The following CYB5R4 variants were observed in gnomAD, a reference collection of about 807,000 sequenced individuals.
CYB5R4 encodes N-terminal cytochrome b5 and cytochrome b5 oxidoreductase domain-containing protein.
CYB5R4 carries 55 observed loss-of-function variants against 70.2 expected under a neutral mutation model. The ratio of observed to expected loss-of-function variants is 0.78; its 90% CI spans 0.63 to 0.98. CYB5R4 has a LOEUF of 0.98. Among genes scored for constraint, CYB5R4 ranks in the 50% least tolerant of loss-of-function variants. The pLI is 0.00. For missense variants in CYB5R4, 562 were observed against 612.6 expected (o/e 0.92, Z 0.87); for synonymous variants, 197 against 199.5 (o/e 0.99, Z 0.11).
intron 11 of CYB5R4, 55 bp downstream of exon 11, chr6:83,934,790 A>T (rs1030324270): frequency 1.5e-4 from 217 of 1,468,028 alleles, no homozygotes; most frequent in Non-Finnish European, 2.0e-4. Flanking sequence ...GCAGTTCAAA[A>T]TCAGTACTAT....
chr6:83,959,708 C>A, intron 15 of CYB5R4, 116 bp from the exon 16 acceptor site: 1 of 855,842 alleles, frequency 1.2e-6, no homozygotes. Flanking sequence ...TTAAAAAAAA[C>A]TACATAGTGA....
chr6:83,959,813 T>A lies in CYB5R4; in HGVS notation c.1512-11T>A. On this transcript the variant is annotated splice_polypyrimidine_tract_variant and intron_variant, in intron 15 of 15. Coordinates refer to ENST00000369681, the MANE Select transcript of CYB5R4 (RefSeq NM_016230.4). ...TCCCTAAGAAACATGTGCTTTTTAT[T>A]TGTTTTTCAGGTTGCTGCATGATCT... 1 of 1,594,934 alleles carries A rather than the reference T, an allele frequency of 6.3e-7. No homozygotes were observed. The highest frequency in any genetic ancestry group is 8.5e-7 in the Non-Finnish European group (1 of 1,170,192).
At chr6:83,884,082 G>T (rs1391232423) in intron 2 of CYB5R4, among the ~76,000 whole-genome samples, 1 of 151,412 alleles carries the variant, frequency 6.6e-6, no homozygotes, top group African/African-American at 2.4e-5. Context: ...AGGGAGATTA[G>T]TAAAATCTCC....
intron 2 of CYB5R4, among the ~76,000 whole-genome samples, chr6:83,864,675 T>C (rs758279908): frequency 2.0e-5 from 3 of 152,156 alleles, no homozygotes; most frequent in Non-Finnish European, 4.4e-5. Context: ...CAGAGCCTTA[T>C]AACAGAATTC....
intron 2 of CYB5R4, among the ~76,000 whole-genome samples, chr6:83,880,258 A>G (rs2099459239): frequency 6.6e-6 from 1 of 152,168 alleles, no homozygotes; most frequent in African/African-American, 2.4e-5. Context: ...CGTACAATCT[A>G]CTTCTTAAGT....
intron 3 of CYB5R4, among the ~76,000 whole-genome samples, chr6:83,905,204 G>A (rs1170749673): frequency 3.3e-5 from 5 of 152,058 alleles, no homozygotes; most frequent in African/African-American, 9.7e-5. Flanking sequence ...ACAGGCACGC[G>A]CCTCCACACC....
intron 2 of CYB5R4, among the ~76,000 whole-genome samples, chr6:83,873,593 T>A (rs886355503): frequency 6.6e-6 from 1 of 152,182 alleles, no homozygotes; most frequent in African/African-American, 2.4e-5. Context: ...TTCGTATGAC[T>A]GTGTGTAGTT....
chr6:83,868,654 C>A (rs1309988505), intron 2 of CYB5R4, among the ~76,000 whole-genome samples: 1 of 152,092 alleles, frequency 6.6e-6, no homozygotes, highest in Non-Finnish European at 1.5e-5. Flanking sequence ...TTAATTCATG[C>A]TTTTATATTT....
Position 83,931,168 on chromosome 6 carries a change from G to A in CYB5R4, c.815-3427G>A, listed in dbSNP as rs564890944. On this transcript the variant is annotated intron_variant, in intron 10 of 15. Transcript: ENST00000369681. ...ATCCACAACTTGGCTATAGTGATTGGCTACTAATAATTACTAATCATGTTC... is the reference window on the plus strand; with the variant it reads ...ATCCACAACTTGGCTATAGTGATTGACTACTAATAATTACTAATCATGTTC... Among the ~76,000 whole-genome samples the A allele has an allele frequency of 2.0e-4, 31 of 152,286 alleles. No individual in the cohort carries two copies. In the South Asian group the frequency reaches 5.2e-3, roughly 25 times the overall value.
chr6:83,886,100 G>T (rs1246246073), intron 2 of CYB5R4, among the ~76,000 whole-genome samples: 1 of 152,190 alleles, frequency 6.6e-6, no homozygotes, highest in Non-Finnish European at 1.5e-5. Flanking sequence ...GCCACATCTT[G>T]TGAGAGCCTT....
chr6:83,955,207 C>A, intron 14 of CYB5R4, 91 bp from the exon 15 acceptor site: 1 of 1,062,020 alleles, frequency 9.4e-7, no homozygotes. Context: ...TAAATTGTTC[C>A]TTTAGGGGAG....
At chr6:83,938,585 T>C (rs1235981416) in intron 12 of CYB5R4, among the ~76,000 whole-genome samples, 1 of 152,254 alleles carries the variant, frequency 6.6e-6, no homozygotes, top group Non-Finnish European at 1.5e-5. Context: ...TAGATACATG[T>C]AACCCCAGCT....
chr6:83,919,513 G>T, intron 7 of CYB5R4, 59 bp downstream of exon 7: 3 of 906,794 alleles, frequency 3.3e-6, no homozygotes, highest in East Asian at 3.0e-5. Context: ...TTATGTACCA[G>T]GTCTTTTTCT....
chr6:83,912,056 C>CAAAAAAAA (rs34601186), intron 4 of CYB5R4, among the ~76,000 whole-genome samples: 1 of 64,682 alleles, frequency 1.5e-5, no homozygotes, highest in Admixed American at 1.8e-4. Context: ...GGCCTTGTCT[C>CAAAAAAAA]AAAAAAAAAA....
intron 12 of CYB5R4, 72 bp from the exon 13 acceptor site, chr6:83,939,984 T>C: frequency 2.6e-6 from 3 of 1,176,356 alleles, no homozygotes; most frequent in South Asian, 3.2e-5. Flanking sequence ...GGCTTCTTAG[T>C]TTCCCCGCTG....
chr6:83,887,409 T>C (rs1276132618), intron 2 of CYB5R4, among the ~76,000 whole-genome samples: 3 of 152,184 alleles, frequency 2.0e-5, no homozygotes, highest in African/African-American at 7.2e-5. Flanking sequence ...TCAGAGAACT[T>C]GTTTGAGAGC....
intron 1 of CYB5R4, among the ~76,000 whole-genome samples, chr6:83,863,319 T>C (rs1228046861): frequency 6.6e-6 from 1 of 152,144 alleles, no homozygotes; most frequent in Non-Finnish European, 1.5e-5. Flanking sequence ...TCAAGGGCTG[T>C]ATAGAAACAG....
intron 2 of CYB5R4, among the ~76,000 whole-genome samples, chr6:83,888,638 A>G (rs930463144): frequency 6.6e-6 from 1 of 152,026 alleles, no homozygotes; most frequent in African/African-American, 2.4e-5. Context: ...TTCTTGGGCC[A>G]CTCCATTCCC....
At chr6:83,943,385 G>C (rs1469598812) in intron 14 of CYB5R4, among the ~76,000 whole-genome samples, 1 of 151,740 alleles carries the variant, frequency 6.6e-6, no homozygotes, top group African/African-American at 2.4e-5. Flanking sequence ...ACTGTTATAA[G>C]GTAAACTAAC....
Sources: allele counts gnomAD v4.1 joint callset (sites outside exome capture counted in the v4.1 genomes callset), GRCh38; gene constraint gnomAD v4.1.1; transcripts MANE v1.5; gene names NCBI Gene and HGNC (gene_info 2026-07-23, HGNC 2026-07-21).